The following MEGF9 variants were observed in gnomAD, a reference collection of about 807,000 sequenced individuals.
The protein encoded by MEGF9 is multiple EGF like domains 9, also known as multiple epidermal growth factor-like domains protein 9.
In MEGF9, 6 loss-of-function variants were observed where a neutral mutation model predicts 46.8. The observed-to-expected ratio is 0.13, with a 90% CI of 0.07 to 0.25. The LOEUF is 0.25. MEGF9 is among the 10% of genes least tolerant of loss of function. MEGF9 has a pLI of 1.00. For synonymous variants in MEGF9, 302 were observed against 330.7 expected (o/e 0.91, Z 0.94); for missense variants, 683 against 792.4 (o/e 0.86, Z 1.66).
rs1222389608 is a variant in MEGF9 at position 120,714,106 on chromosome 9, C to T, written c.253G>A (p.Ala85Thr). Residue 85 changes from alanine (A) to threonine (T), a missense_variant, in exon 1 of 6, where the codon GCC (alanine) becomes ACC (threonine). Ala to Thr is a moderately conservative substitution (Grantham distance 58). Transcript: ENST00000373930. ...AQAPRTGPPR[A>T]TVHRPLAATS... is the part of the protein sequence containing the mutation. The stretch of plus-strand genomic sequence containing the variant: ...GCAGCCAGGGGTCGGTGGACGGTGG[C>T]GCGCGGGGGCCCGGTCCTCGGGGCC... 28 of 1,245,864 alleles carry T rather than the reference C, an allele frequency of 2.2e-5. No individual in the cohort carries two copies. Among genetic ancestry groups the T allele is most frequent in the Non-Finnish European group, 2.8e-5 (28 of 994,978 alleles). 77.2% of individuals were successfully genotyped at this position (1,245,864 alleles called of 1,614,324 possible). A position where few individuals can be genotyped will look rare whatever the true frequency, so the allele number is the denominator to read the frequency against.
chr9:120,683,044 G>A (rs1006041370), intron 1 of MEGF9, among the ~76,000 whole-genome samples: 7 of 152,104 alleles, frequency 4.6e-5, no homozygotes, highest in African/African-American at 1.2e-4. Context: ...CTAATAGGGA[G>A]GAATAGGAGA....
chr9:120,677,586 C>G (rs986959111), intron 1 of MEGF9, among the ~76,000 whole-genome samples: 1 of 152,202 alleles, frequency 6.6e-6, no homozygotes, highest in Non-Finnish European at 1.5e-5. Context: ...CCTTAACATA[C>G]TGTTCAAAGC....
At chr9:120,618,601 T>G (rs560118600) in intron 3 of MEGF9, among the ~76,000 whole-genome samples, 27 of 152,232 alleles carry the variant, frequency 1.8e-4, no homozygotes, top group African/African-American at 6.0e-4. Flanking sequence ...AGGAAATCTC[T>G]CATTAAGATT....
At chr9:120,606,270 G>A (rs950925096) in intron 5 of MEGF9, among the ~76,000 whole-genome samples, 12 of 152,100 alleles carry the variant, frequency 7.9e-5, no homozygotes, top group Admixed American at 6.5e-4. Context: ...TGCAAAGGCA[G>A]TAAATTTGTC....
intron 1 of MEGF9, among the ~76,000 whole-genome samples, chr9:120,664,591 A>G (rs1204973089): frequency 6.6e-6 from 1 of 152,228 alleles, no homozygotes; most frequent in African/African-American, 2.4e-5. Flanking sequence ...AAATTATTGC[A>G]TTTAAGCATA....
intron 1 of MEGF9, among the ~76,000 whole-genome samples, chr9:120,660,551 C>T (rs2043697767): frequency 1.3e-5 from 2 of 152,162 alleles, no homozygotes; most frequent in South Asian, 4.2e-4. Context: ...CATTAACCAT[C>T]CCCACTTCCT....
chr9:120,608,549 A>G (rs953528538), intron 4 of MEGF9, among the ~76,000 whole-genome samples: 2 of 152,154 alleles, frequency 1.3e-5, no homozygotes, highest in African/African-American at 2.4e-5. Flanking sequence ...CTCATTTTCC[A>G]TGGGTGGCCT....
chr9:120,713,987 C>T lies in MEGF9; in HGVS notation c.372G>A (p.Pro124=), dbSNP rs2043965985. 2.9e-6 allele frequency: 4 copies of T among 1,381,940 alleles called. No homozygotes were observed. Among genetic ancestry groups the T allele is most frequent in the African/African-American group, 1.5e-5 (1 of 67,086 alleles). The allele number at this position is 1,381,940 out of a possible 1,614,324, so 85.6% of individuals were successfully genotyped here. The change falls in exon 1 of 6, where the codon CCG becomes CCA. Residue 124 remains proline (P), a synonymous_variant. Transcript: ENST00000373930. ...TTFQAPLGPS[P]TTPPAAERTS... is the part of the protein sequence containing the mutation. ...TGCGTTCCGCCGCCGGAGGGGTGGTCGGCGAGGGGCCGAGCGGCGCCTGAA... is the reference window on the plus strand; with the variant it reads ...TGCGTTCCGCCGCCGGAGGGGTGGTTGGCGAGGGGCCGAGCGGCGCCTGAA...
chr9:120,713,672 C>T (rs1588004357), intron 1 of MEGF9, 86 bp downstream of exon 1: 1 of 1,236,578 alleles, frequency 8.1e-7, no homozygotes, highest in Non-Finnish European at 1.0e-6. Context: ...GGGTAACAAA[C>T]GATAAATTAT....
intron 1 of MEGF9, among the ~76,000 whole-genome samples, chr9:120,670,760 C>T (rs1454517505): frequency 2.6e-5 from 4 of 152,114 alleles, no homozygotes; most frequent in Admixed American, 2.0e-4. Context: ...CGCTCTTTAT[C>T]ACATCCTCTC....
At chr9:120,667,264 T>G (rs1211409298) in intron 1 of MEGF9, among the ~76,000 whole-genome samples, 2 of 152,322 alleles carry the variant, frequency 1.3e-5, no homozygotes, top group South Asian at 2.1e-4. Context: ...CAGGAAGTTA[T>G]TAATGCTTCA....
chr9:120,691,795 G>A (rs1162297310), intron 1 of MEGF9, among the ~76,000 whole-genome samples: 1 of 152,038 alleles, frequency 6.6e-6, no homozygotes, highest in Non-Finnish European at 1.5e-5. Flanking sequence ...AACAATGACT[G>A]GATACTTCAA....
intron 1 of MEGF9, among the ~76,000 whole-genome samples, chr9:120,683,536 T>C (rs1288128112): frequency 2.0e-5 from 3 of 152,224 alleles, no homozygotes; most frequent in Admixed American, 6.5e-5. Flanking sequence ...CCTGCCGCCA[T>C]GTGAAGAAGG....
rs909821426 is a variant in MEGF9, at chr9:120,622,759, C to A, written c.804-4G>T. The A allele has an allele frequency of 4.3e-6, 7 of 1,611,258 alleles. No homozygotes were observed. The African/African-American group carries it at 9.4e-5, about 22-fold the overall frequency. ...TTTGCACTGGCATTTCCCAGAACTG[C>A]AAATAAAAGCAAAGACAATGAATAA... On this transcript the variant is annotated splice_polypyrimidine_tract_variant and splice_region_variant and intron_variant, in intron 2 of 5. Transcript: ENST00000373930.
At chr9:120,679,306 G>A (rs1428957979) in intron 1 of MEGF9, among the ~76,000 whole-genome samples, 1 of 152,152 alleles carries the variant, frequency 6.6e-6, no homozygotes, top group East Asian at 1.9e-4. Flanking sequence ...AAAAAATGAT[G>A]AGTTCATGTC....
At chr9:120,607,644 A>C (rs2043425157) in intron 5 of MEGF9, 97 bp downstream of exon 5, 1 of 1,303,990 alleles carries the variant, frequency 7.7e-7, no homozygotes, top group African/African-American at 1.5e-5. Context: ...CTATTTCCAG[A>C]AACTCCTCTG....
chr9:120,667,653 A>G (rs897930455), intron 1 of MEGF9, among the ~76,000 whole-genome samples: 3 of 152,210 alleles, frequency 2.0e-5, no homozygotes, highest in African/African-American at 7.2e-5. Flanking sequence ...CTGAATTGAA[A>G]AGGAAAAATA....
At chr9:120,676,716 A>G (rs2043774783) in intron 1 of MEGF9, among the ~76,000 whole-genome samples, 4 of 152,220 alleles carry the variant, frequency 2.6e-5, no homozygotes, top group Admixed American at 2.0e-4. Context: ...ACTGTTTCAT[A>G]CAACTGCTTA....
intron 1 of MEGF9, among the ~76,000 whole-genome samples, chr9:120,690,171 T>C (rs1361783371): frequency 6.6e-6 from 1 of 152,190 alleles, no homozygotes; most frequent in Non-Finnish European, 1.5e-5. Context: ...GCACTATTAC[T>C]TCTGCTGCTG....
Sources: gnomAD v4.1 joint callset for allele counts (sites outside exome capture counted in the v4.1 genomes callset) on GRCh38, gnomAD v4.1.1 for gene constraint, MANE v1.5 for transcripts, NCBI Gene and HGNC (gene_info 2026-07-23, HGNC 2026-07-21) for gene names.